MPP7: variants seen among roughly 807,000 people sequenced by gnomAD.
The protein encoded by MPP7 is MAGUK p55 scaffold protein 7.
Under a neutral mutation model 76.5 loss-of-function variants are expected in MPP7, and 60 were observed. The observed-to-expected ratio is 0.78, with a 90% CI of 0.64 to 0.97. The LOEUF is 0.97. MPP7 is among the 50% of genes least tolerant of loss of function. MPP7 has a pLI of 0.00. For synonymous variants in MPP7, 237 were observed against 244.5 expected (o/e 0.97, Z 0.29); for missense variants, 641 against 694.0 (o/e 0.92, Z 0.86).
At chr10:28,257,628 G>A (rs927517893) in intron 1 of MPP7, among the ~76,000 whole-genome samples, 4 of 149,896 alleles carry the variant, frequency 2.7e-5, no homozygotes, top group Non-Finnish European at 5.9e-5. Flanking sequence ...ATAGCATTGG[G>A]AGATATACCT....
At chr10:28,196,237 T>C (rs567220414) in intron 3 of MPP7, among the ~76,000 whole-genome samples, 1 of 152,252 alleles carries the variant, frequency 6.6e-6, no homozygotes, top group Non-Finnish European at 1.5e-5. Context: ...TCCCAGCACT[T>C]TGGGAGGCCA....
At chr10:28,217,589 AACAAAAAAAGTC>A (rs2134047881) in intron 2 of MPP7, among the ~76,000 whole-genome samples, 1 of 151,820 alleles carries the variant, frequency 6.6e-6, no homozygotes, top group African/African-American at 2.4e-5. Context: ...AAGAACTTTT[AACAAAAAAAGTC>A]ACAAAAAAAG....
chr10:28,220,025 G>A (rs540811175), intron 2 of MPP7, among the ~76,000 whole-genome samples: 26 of 152,122 alleles, frequency 1.7e-4, no homozygotes, highest in African/African-American at 6.0e-4. Context: ...AAAGCATTGG[G>A]CCAGCTGAGT....
chr10:28,333,241 T>C (rs1834486763), intron 1 of MPP7, among the ~76,000 whole-genome samples: 1 of 152,184 alleles, frequency 6.6e-6, no homozygotes, highest in Non-Finnish European at 1.5e-5. Flanking sequence ...GCCTCCCTGG[T>C]TCAAGTGATT....
intron 11 of MPP7, among the ~76,000 whole-genome samples, chr10:28,104,242 T>A (rs78990342): frequency 0.012 from 1,835 of 152,008 alleles, 53 homozygotes; most frequent in East Asian, 0.12. Flanking sequence ...ATATTCATAA[T>A]ATAAAAAGAG....
At chr10:28,099,043 T>C (rs1446417821) in intron 11 of MPP7, among the ~76,000 whole-genome samples, 1 of 152,210 alleles carries the variant, frequency 6.6e-6, no homozygotes, top group African/African-American at 2.4e-5. Context: ...TGTAAACTTA[T>C]AATGTACCTA....
chr10:28,246,112 G>C (rs1839425836), intron 1 of MPP7, among the ~76,000 whole-genome samples: 1 of 152,086 alleles, frequency 6.6e-6, no homozygotes, highest in Non-Finnish European at 1.5e-5. Context: ...AGAAGCTTAA[G>C]AAACTGAATT....
At chr10:28,113,965 T>C (rs888973444) in intron 11 of MPP7, among the ~76,000 whole-genome samples, 6 of 152,210 alleles carry the variant, frequency 3.9e-5, no homozygotes, top group African/African-American at 1.4e-4. Flanking sequence ...AGCTTCGGTA[T>C]TCCAAGGGAG....
chr10:28,222,199 TAA>T (rs561035603), intron 2 of MPP7, among the ~76,000 whole-genome samples: 12 of 142,436 alleles, frequency 8.4e-5, no homozygotes, highest in African/African-American at 7.7e-5. Context: ...GTACTACGAT[TAA>T]AAAAAAAAAA....
intron 11 of MPP7, among the ~76,000 whole-genome samples, chr10:28,097,251 G>C (rs1020238815): frequency 6.6e-6 from 1 of 151,984 alleles, no homozygotes; most frequent in Admixed American, 6.6e-5. Flanking sequence ...CAAAGTACTA[G>C]GTTTACAGGC....
At chr10:28,303,505 A>G (rs966045078), upstream of MPP7, 3 of 152,216 alleles carry the variant, frequency 2.0e-5, no homozygotes, top group African/African-American at 7.2e-5. Flanking sequence ...TTGGATTCAG[A>G]CAAGTCTCCT....
At chr10:28,162,875 C>T (rs542535689) in intron 3 of MPP7, among the ~76,000 whole-genome samples, 194 of 150,700 alleles carry the variant, frequency 1.3e-3, no homozygotes, top group Non-Finnish European at 2.0e-3. Flanking sequence ...CTCTCTCTTT[C>T]TCTCTCTCTC....
chr10:28,129,760 G>A lies in MPP7; in HGVS notation c.447+1800C>T, dbSNP rs75577524. ...CATCTGAGACGCTTTTTAAAATCAA[G>A]ATTCCCAGGCACCAAAAAAACCCTC... On this transcript the variant is annotated intron_variant, in intron 6 of 16. Transcript: ENST00000683449. 9.4e-3 allele frequency among the ~76,000 whole-genome samples: 1,434 copies of A among 152,138 alleles called. 27 individuals carry two copies. The highest frequency in any genetic ancestry group is 0.073 in the East Asian group (376 of 5,176).
At chr10:28,319,929 T>C (rs1834350374) in intron 2 of MPP7, among the ~76,000 whole-genome samples, 1 of 151,656 alleles carries the variant, frequency 6.6e-6, no homozygotes, top group South Asian at 2.1e-4. Context: ...TGGGCTGAGA[T>C]AGGACAACAG....
chr10:28,250,437 A>G (rs1422486517), intron 1 of MPP7, among the ~76,000 whole-genome samples: 1 of 152,160 alleles, frequency 6.6e-6, no homozygotes, highest in Non-Finnish European at 1.5e-5. Flanking sequence ...CCAGCCTCTT[A>G]TATCCCAGAA....
chr10:28,259,377 G>C (rs527638656), intron 1 of MPP7, among the ~76,000 whole-genome samples: 93 of 151,892 alleles, frequency 6.1e-4, no homozygotes, highest in African/African-American at 2.1e-3. Flanking sequence ...TCAAGAGTTC[G>C]AGACCAGCCT....
At chr10:28,140,828 G>A (rs1835492710) in intron 5 of MPP7, among the ~76,000 whole-genome samples, 1 of 152,130 alleles carries the variant, frequency 6.6e-6, no homozygotes, top group Non-Finnish European at 1.5e-5. Flanking sequence ...ACTTTCCCCA[G>A]AGATGGCACT....
chr10:28,213,721 G>A (rs778475750), intron 2 of MPP7, among the ~76,000 whole-genome samples: 4 of 151,516 alleles, frequency 2.6e-5, no homozygotes, highest in Non-Finnish European at 5.9e-5. Flanking sequence ...GAACCTGGGA[G>A]GTGGAGGCTG....
At chr10:28,330,339 G>A (rs1777982540) in intron 1 of MPP7, among the ~76,000 whole-genome samples, 1 of 152,192 alleles carries the variant, frequency 6.6e-6, no homozygotes, top group Admixed American at 6.5e-5. Flanking sequence ...CAGGAGTTGG[G>A]AAGAGAAGAA....
Sources: allele counts gnomAD v4.1 joint callset (sites outside exome capture counted in the v4.1 genomes callset), GRCh38; gene constraint gnomAD v4.1.1; transcripts MANE v1.5; gene names NCBI Gene and HGNC (gene_info 2026-07-23, HGNC 2026-07-21).